Variants in NDUFAF2 observed in about 807,000 individuals in gnomAD.
NDUFAF2 encodes NADH dehydrogenase [ubiquinone] 1 alpha subcomplex assembly factor 2.
A neutral mutation model predicts 22.8 loss-of-function variants in NDUFAF2; 13 were observed. The observed-to-expected ratio is 0.57, with a 90% CI of 0.37 to 0.91. NDUFAF2 has a LOEUF of 0.91. Among genes scored for constraint, NDUFAF2 ranks in the 40% least tolerant of loss-of-function variants. The pLI is 0.01. For synonymous variants in NDUFAF2, 53 were observed against 64.2 expected (o/e 0.83, Z 0.84); for missense variants, 162 against 195.2 (o/e 0.83, Z 1.01).
intron 1 of NDUFAF2, among the ~76,000 whole-genome samples, chr5:61,047,748 T>A (rs1580112066): frequency 6.6e-6 from 1 of 152,290 alleles, no homozygotes; most frequent in East Asian, 1.9e-4. Flanking sequence ...TCCAGAATCA[T>A]ATTTCATTCC....
intron 2 of NDUFAF2, among the ~76,000 whole-genome samples, chr5:61,092,519 T>C (rs1049839358): frequency 6.6e-6 from 1 of 152,102 alleles, no homozygotes; most frequent in African/African-American, 2.4e-5. Context: ...TGAGTTTTGT[T>C]GGTGTATAGG....
chr5:60,964,474 C>A (rs1056891777), intron 1 of NDUFAF2, among the ~76,000 whole-genome samples: 1 of 149,370 alleles, frequency 6.7e-6, no homozygotes, highest in Non-Finnish European at 1.5e-5. Context: ...TTTTGGAGAC[C>A]GAGTCTCACT....
At chr5:61,140,014 G>A (rs1010567275) in intron 3 of NDUFAF2, among the ~76,000 whole-genome samples, 8 of 152,302 alleles carry the variant, frequency 5.3e-5, no homozygotes, top group East Asian at 1.9e-4. Context: ...TACACTCTTC[G>A]AATGTTAGCA....
chr5:61,104,373 A>G (rs1374185921), intron 3 of NDUFAF2, among the ~76,000 whole-genome samples: 1 of 152,112 alleles, frequency 6.6e-6, no homozygotes, highest in Non-Finnish European at 1.5e-5. Flanking sequence ...CCAATTTTTG[A>G]CAAATTATAT....
chr5:61,147,353 A>T (rs572900954), intron 3 of NDUFAF2, among the ~76,000 whole-genome samples: 1 of 149,032 alleles, frequency 6.7e-6, no homozygotes, highest in Non-Finnish European at 1.5e-5. Context: ...GGCTCAAGTG[A>T]TCCTCCCACT....
chr5:61,018,084 G>A (rs1424975306), intron 1 of NDUFAF2, among the ~76,000 whole-genome samples: 2 of 152,082 alleles, frequency 1.3e-5, no homozygotes, highest in South Asian at 2.1e-4. Flanking sequence ...ACATACAAAG[G>A]TAGTAAATAC....
intron 3 of NDUFAF2, among the ~76,000 whole-genome samples, chr5:61,136,039 A>ATATATATATATATATATATATATATATC (rs1367597510): frequency 3.9e-5 from 4 of 103,424 alleles, no homozygotes; most frequent in African/African-American, 1.5e-4. Flanking sequence ...ATATATATAT[A>ATATATATATATATATATATATATATATC]TATCTAGGGT....
chr5:61,074,675 G>A (rs181630878), intron 2 of NDUFAF2, among the ~76,000 whole-genome samples: 85 of 151,346 alleles, frequency 5.6e-4, no homozygotes, highest in East Asian at 1.2e-3. Context: ...CAGGAGAATC[G>A]CTTGAACCCG....
At chr5:61,038,631 A>C (rs1751832777) in intron 1 of NDUFAF2, among the ~76,000 whole-genome samples, 1 of 152,226 alleles carries the variant, frequency 6.6e-6, no homozygotes, top group South Asian at 2.1e-4. Context: ...TTTAAACCAA[A>C]ATCATGTTAG....
chr5:60,961,649 C>T (rs1052526830), intron 1 of NDUFAF2, among the ~76,000 whole-genome samples: 1 of 148,196 alleles, frequency 6.7e-6, no homozygotes, highest in African/African-American at 2.5e-5. Context: ...GCCTGTAATT[C>T]CAGCTACTCA....
chr5:60,969,775 G>C (rs1290460763), intron 1 of NDUFAF2, among the ~76,000 whole-genome samples: 1 of 151,884 alleles, frequency 6.6e-6, no homozygotes, highest in East Asian at 1.9e-4. Flanking sequence ...GCACCTGTAG[G>C]GTATTACTCA....
At chr5:60,967,770 C>A (rs1750776854) in intron 1 of NDUFAF2, among the ~76,000 whole-genome samples, 1 of 150,762 alleles carries the variant, frequency 6.6e-6, no homozygotes, top group African/African-American at 2.4e-5. Flanking sequence ...GATTTTATAT[C>A]TATGCTTATC....
intron 3 of NDUFAF2, among the ~76,000 whole-genome samples, chr5:61,113,684 G>T (rs952745928): frequency 6.6e-6 from 1 of 152,154 alleles, no homozygotes; most frequent in Non-Finnish European, 1.5e-5. Context: ...CTTCCGGCAT[G>T]ATTGTAAGTT....
chr5:61,149,926 GTTTT>G (rs1302315654), intron 3 of NDUFAF2, among the ~76,000 whole-genome samples: 22 of 151,884 alleles, frequency 1.4e-4, no homozygotes, highest in Non-Finnish European at 2.8e-4. Context: ...TTGTTTGGGG[GTTTT>G]TTTGTTTTGT....
At chr5:61,025,281 G>A (rs1458377825) in intron 1 of NDUFAF2, among the ~76,000 whole-genome samples, 1 of 151,896 alleles carries the variant, frequency 6.6e-6, no homozygotes, top group Non-Finnish European at 1.5e-5. Flanking sequence ...ATCGATAATT[G>A]TGATTTCATT....
At chr5:60,956,957 C>T (rs1290914262) in intron 1 of NDUFAF2, among the ~76,000 whole-genome samples, 1 of 83,798 alleles carries the variant, frequency 1.2e-5, no homozygotes, top group Admixed American at 1.4e-4. Flanking sequence ...GAGGTATTAA[C>T]CAAACTTTGA....
At chr5:61,033,359 T>C (rs1377225630) in intron 1 of NDUFAF2, among the ~76,000 whole-genome samples, 1 of 152,158 alleles carries the variant, frequency 6.6e-6, no homozygotes, top group Non-Finnish European at 1.5e-5. Flanking sequence ...GCCATCTATG[T>C]ATGGCAATAC....
At chr5:61,103,020 C>T (rs966662104) in intron 3 of NDUFAF2, among the ~76,000 whole-genome samples, 1 of 152,218 alleles carries the variant, frequency 6.6e-6, no homozygotes, top group East Asian at 1.9e-4. Context: ...ATGATACAAT[C>T]ATGTTTGAAA....
At chr5:61,045,159 GTT>G (rs1751933968) in intron 1 of NDUFAF2, among the ~76,000 whole-genome samples, 1 of 70,812 alleles carries the variant, frequency 1.4e-5, no homozygotes, top group Non-Finnish European at 2.6e-5. Context: ...ATAAAATAAA[GTT>G]TTATTAAATT....
Sources: allele counts gnomAD v4.1 joint callset (sites outside exome capture counted in the v4.1 genomes callset), GRCh38; gene constraint gnomAD v4.1.1; transcripts MANE v1.5; gene names NCBI Gene and HGNC (gene_info 2026-07-23, HGNC 2026-07-21).